Variants in PDGFD observed in about 807,000 individuals in gnomAD.
PDGFD encodes the protein platelet-derived growth factor D.
Under a neutral mutation model 44.7 loss-of-function variants are expected in PDGFD, and 30 were observed. The ratio of observed to expected loss-of-function variants is 0.67; its 90% CI spans 0.50 to 0.91. The LOEUF (loss-of-function observed/expected upper bound fraction) is 0.91, where lower values mean the gene tolerates loss of function less well. Ranked by LOEUF, PDGFD falls within the 40% of genes least tolerant of loss-of-function variation. PDGFD has a pLI of 0.00. For missense variants in PDGFD, 445 were observed against 457.8 expected, an observed-to-expected ratio of 0.97 and a Z score of 0.25; for synonymous variants, 173 against 168.4, an observed-to-expected ratio of 1.03 and a Z score of -0.21.
intron 6 of PDGFD, among the ~76,000 whole-genome samples, chr11:103,918,971 G>C (rs1446502539): frequency 6.6e-6 from 1 of 152,148 alleles, no homozygotes; most frequent in East Asian, 1.9e-4. Context: ...TTGTTAATAG[G>C]TACCCTCACA....
chr11:104,144,373 G>A (rs990851898), intron 1 of PDGFD, among the ~76,000 whole-genome samples: 2 of 151,696 alleles, frequency 1.3e-5, no homozygotes, highest in African/African-American at 4.8e-5. Flanking sequence ...AGGCACGGTG[G>A]CACACGCCTG....
intron 3 of PDGFD, among the ~76,000 whole-genome samples, chr11:103,950,659 A>G (rs1451266115): frequency 6.6e-6 from 1 of 152,188 alleles, no homozygotes; most frequent in Non-Finnish European, 1.5e-5. Flanking sequence ...TTTCTGGCAA[A>G]GCTAAGGCCA....
chr11:103,942,588 C>A (rs1455986307), intron 5 of PDGFD, among the ~76,000 whole-genome samples: 1 of 152,048 alleles, frequency 6.6e-6, no homozygotes, highest in Non-Finnish European at 1.5e-5. Context: ...ACCTTCTTTT[C>A]CTCTGCCTTG....
At chr11:103,974,238 T>A (rs1220009752) in intron 3 of PDGFD, among the ~76,000 whole-genome samples, 1 of 152,204 alleles carries the variant, frequency 6.6e-6, no homozygotes, top group Admixed American at 6.5e-5. Context: ...ACAATGCCTA[T>A]ACCTTCATTC....
At chr11:104,006,999 G>T (rs1276067962) in intron 1 of PDGFD, among the ~76,000 whole-genome samples, 1 of 152,192 alleles carries the variant, frequency 6.6e-6, no homozygotes, top group East Asian at 1.9e-4. Flanking sequence ...TGTATCACGT[G>T]CCCATTTGGG....
chr11:104,102,091 C>T (rs138823856), intron 1 of PDGFD, among the ~76,000 whole-genome samples: 8,407 of 152,150 alleles, frequency 0.055, 358 homozygotes, highest in African/African-American at 0.12. Flanking sequence ...TCTAATTAAA[C>T]TAAAAAGCTT....
chr11:103,917,779 G>A (rs1316894428), intron 6 of PDGFD, among the ~76,000 whole-genome samples: 1 of 152,126 alleles, frequency 6.6e-6, no homozygotes, highest in East Asian at 1.9e-4. Context: ...CTGACTTGAG[G>A]CCTCTCTAAC....
chr11:104,127,776 T>G (rs1486612565), intron 1 of PDGFD, among the ~76,000 whole-genome samples: 1 of 152,100 alleles, frequency 6.6e-6, no homozygotes, highest in Non-Finnish European at 1.5e-5. Flanking sequence ...AACCAACCAA[T>G]GCTAAGATGA....
At chr11:104,095,069 C>T (rs1861264579) in intron 1 of PDGFD, among the ~76,000 whole-genome samples, 1 of 151,994 alleles carries the variant, frequency 6.6e-6, no homozygotes, top group South Asian at 2.1e-4. Flanking sequence ...ACGTATCTTC[C>T]CTTCTCTCTT....
chr11:104,159,860 C>A (rs1862364281), intron 1 of PDGFD, among the ~76,000 whole-genome samples: 1 of 152,276 alleles, frequency 6.6e-6, no homozygotes. Flanking sequence ...TACACAGACA[C>A]CTGGCTAAAC....
At chr11:104,140,621 A>G (rs1429849588) in intron 1 of PDGFD, among the ~76,000 whole-genome samples, 1 of 151,920 alleles carries the variant, frequency 6.6e-6, no homozygotes, top group African/African-American at 2.4e-5. Flanking sequence ...TGGGAACCTC[A>G]CCCTTCAATG....
intron 1 of PDGFD, among the ~76,000 whole-genome samples, chr11:104,107,427 T>C (rs1212878482): frequency 6.6e-6 from 1 of 152,180 alleles, no homozygotes; most frequent in East Asian, 1.9e-4. Flanking sequence ...AAGCCACAGA[T>C]GGTGGCAGCT....
intron 3 of PDGFD, among the ~76,000 whole-genome samples, chr11:103,972,722 G>T (rs1222409824): frequency 6.6e-6 from 1 of 152,234 alleles, no homozygotes; most frequent in East Asian, 1.9e-4. Flanking sequence ...TGTCCATACT[G>T]CTAATACTAA....
chr11:103,954,666 C>A (rs780293676), intron 3 of PDGFD, among the ~76,000 whole-genome samples: 1 of 152,102 alleles, frequency 6.6e-6, no homozygotes, highest in Non-Finnish European at 1.5e-5. Flanking sequence ...TTCTGTCATT[C>A]TGAAAAATTT....
At chr11:104,061,413 A>G (rs1253194142) in intron 1 of PDGFD, among the ~76,000 whole-genome samples, 1 of 152,196 alleles carries the variant, frequency 6.6e-6, no homozygotes, top group African/African-American at 2.4e-5. Context: ...GTATTCAGAG[A>G]AATATATTTG....
intron 1 of PDGFD, among the ~76,000 whole-genome samples, chr11:104,060,939 C>G (rs769103628): frequency 6.6e-6 from 1 of 152,136 alleles, no homozygotes; most frequent in Non-Finnish European, 1.5e-5. Context: ...ACCATCATCA[C>G]CAACTATTTC....
intron 1 of PDGFD, among the ~76,000 whole-genome samples, chr11:104,157,575 C>A (rs924532080): frequency 6.6e-6 from 1 of 152,160 alleles, no homozygotes; most frequent in Non-Finnish European, 1.5e-5. Context: ...TCTCACTGCA[C>A]CCAATGTCTG....
chr11:104,139,480 A>C (rs1222346395), intron 1 of PDGFD, among the ~76,000 whole-genome samples: 1 of 152,222 alleles, frequency 6.6e-6, no homozygotes, highest in African/African-American at 2.4e-5. Flanking sequence ...ATGGATCCAA[A>C]CTGAACTAGA....
At chr11:104,072,184 A>G (rs998185262) in intron 1 of PDGFD, among the ~76,000 whole-genome samples, 4 of 151,938 alleles carry the variant, frequency 2.6e-5, no homozygotes, top group Non-Finnish European at 5.9e-5. Context: ...TGATGAATTA[A>G]TTTAGTGTGA....
Sources: allele counts gnomAD v4.1 joint callset (sites outside exome capture counted in the v4.1 genomes callset), GRCh38; gene constraint gnomAD v4.1.1; transcripts MANE v1.5; gene names NCBI Gene and HGNC (gene_info 2026-07-23, HGNC 2026-07-21).